The following EXTL2 variants were observed in gnomAD, a reference collection of about 807,000 sequenced individuals.
The protein encoded by EXTL2 is exostosin like glycosyltransferase 2, also known as exostosin-like 2.
EXTL2 carries 23 observed loss-of-function variants against 30.7 expected under a neutral mutation model. That is an observed-to-expected ratio of 0.75 (90% CI 0.54 to 1.06). EXTL2 has a LOEUF of 1.06. Among genes scored for constraint, EXTL2 ranks in the 50% least tolerant of loss-of-function variants. EXTL2 has a pLI of 0.00. For missense variants in EXTL2, 352 were observed against 396.3 expected (o/e 0.89, Z 0.95); for synonymous variants, 123 against 133.8 (o/e 0.92, Z 0.56).
chr1:100,893,466 C>T (rs964606669), intron 1 of EXTL2, among the ~76,000 whole-genome samples: 2 of 152,184 alleles, frequency 1.3e-5, no homozygotes, highest in African/African-American at 4.8e-5. Context: ...CACAACCCCC[C>T]CCTTTCTTCA....
At chr1:100,876,043 G>A (rs553827865) in intron 4 of EXTL2, among the ~76,000 whole-genome samples, 51 of 151,986 alleles carry the variant, frequency 3.4e-4, no homozygotes, top group Non-Finnish European at 4.4e-4. Flanking sequence ...CATTAATATC[G>A]AATGCTGTTA....
At chr1:100,894,357 A>G (rs994913937) in intron 1 of EXTL2, among the ~76,000 whole-genome samples, 1 of 152,176 alleles carries the variant, frequency 6.6e-6, no homozygotes, top group African/African-American at 2.4e-5. Context: ...AATTTTAAAT[A>G]TTTCTACACT....
Position 100,873,961 on chromosome 1 carries a change from T to C in EXTL2, c.974A>G (p.Asn325Ser). 1 of 1,569,146 alleles carries C rather than the reference T, an allele frequency of 6.4e-7. No individual in the cohort carries two copies. ...MISQFGFPYA[N>S]YKRKI ...TTACTTTTATATTTTTCTTTTGTAG[T>C]TGGCATATGGAAAACCAAACTGGGA... is the stretch of plus-strand genomic sequence containing the variant. Residue 325 changes from asparagine (N) to serine (S), a missense_variant, in exon 5 of 5, where the codon AAC becomes AGC. Asn to Ser is a conservative substitution (Grantham distance 46, BLOSUM62 1). Transcript: ENST00000370114.
In EXTL2 at chr1:100,877,760, A is replaced by G. The variant is rs778228873; in HGVS notation, c.149T>C (p.Met50Thr). Reference sequence around the variant, plus strand: ...CTGGGATTTTATTTCCCTACGCAACATGAGCATCTTGTCTTCTTTAACACT... The same window carrying G: ...CTGGGATTTTATTTCCCTACGCAACGTGAGCATCTTGTCTTCTTTAACACT... ...LPSVKEDKML[M>T]LRREIKSQGK... is the part of the protein sequence containing the mutation. Residue 50 changes from methionine (M) to threonine (T), a missense_variant, in exon 3 of 5, where the codon ATG becomes ACG. Transcript: ENST00000370114. The surrounding 1 kb of genome is among the most constrained non-coding windows in gnomAD (Gnocchi z 4.1). 3.1e-6 allele frequency: 5 copies of G among 1,613,232 alleles called. No individual in the cohort carries two copies. In the Admixed American group the frequency reaches 5.0e-5, roughly 16 times the overall value.
intron 1 of EXTL2, among the ~76,000 whole-genome samples, chr1:100,890,906 C>G (rs1270359804): frequency 1.3e-5 from 2 of 152,210 alleles, no homozygotes; most frequent in African/African-American, 4.8e-5. Flanking sequence ...TACCAATGCC[C>G]TACTCTCTGC....
In EXTL2 at chr1:100,874,369, A is replaced by G; in HGVS notation, c.566T>C (p.Ile189Thr). Reference protein sequence around the residue: ...PRKHVSTSSGIYSYGSFEMQA... With the variant: ...PRKHVSTSSGTYSYGSFEMQA... The stretch of plus-strand genomic sequence containing the variant: ...CATTTCAAAACTTCCATAACTGTAG[A>G]TACCTGATGAAGTAGAGACGTGCTT... The change falls in exon 5 of 5, where the codon ATC becomes ACC. Residue 189 changes from isoleucine (I) to threonine (T), a missense_variant. By Grantham distance (89) the Ile-to-Thr change is moderately conservative. Transcript: ENST00000370114. The G allele has an allele frequency of 6.2e-7, 1 of 1,612,300 alleles. No homozygotes were observed. Among genetic ancestry groups the G allele is most frequent in the African/African-American group, 1.3e-5 (1 of 74,920 alleles).
chr1:100,883,255 A>C (rs1471224752), intron 2 of EXTL2, among the ~76,000 whole-genome samples: 2 of 152,208 alleles, frequency 1.3e-5, no homozygotes, highest in Admixed American at 6.5e-5. Flanking sequence ...TACCCATTTA[A>C]AGTATACAGT....
downstream of EXTL2, chr1:100,872,387 T>C (rs1570446976): frequency 2.0e-5 from 3 of 152,430 alleles, no homozygotes; most frequent in African/African-American, 2.4e-5. Context: ...ACAGAACACA[T>C]GGATGGCAAA....
intron 2 of EXTL2, among the ~76,000 whole-genome samples, chr1:100,878,172 C>T (rs997177921): frequency 5.3e-5 from 8 of 151,966 alleles, no homozygotes; most frequent in African/African-American, 7.2e-5. Flanking sequence ...AAAAATTTGC[C>T]ATCATTTTAT....
At chr1:100,879,659 A>G (rs1301904938) in intron 2 of EXTL2, among the ~76,000 whole-genome samples, 1 of 152,188 alleles carries the variant, frequency 6.6e-6, no homozygotes, top group Non-Finnish European at 1.5e-5. Flanking sequence ...GATGTAATAC[A>G]GCTGGATAAG....
At position 100,874,082 on chromosome 1, in the gene EXTL2, G is replaced by T. The variant is rs778568725; in HGVS notation, c.853C>A (p.His285Asn). The change falls in exon 5 of 5, where the codon CAT (histidine) becomes AAT (asparagine). Residue 285 changes from histidine (H) to asparagine (N), a missense_variant. By Grantham distance (68) the His-to-Asn change is moderately conservative. Coordinates refer to ENST00000370114, the MANE Select transcript of EXTL2 (RefSeq NM_001033025.3). ...CTCTGCAGAGCGTGCTCAGCTCGAT[G>T]CCACATTCCAGAATAGCCACTGTTG... Reference protein sequence around the residue: ...ETNSGYSGMWHRAEHALQRSY... With the variant: ...ETNSGYSGMWNRAEHALQRSY... 19 of 1,612,994 alleles carry T rather than the reference G, an allele frequency of 1.2e-5. No homozygotes were observed. The South Asian group carries it at 2.0e-4, about 17-fold the overall frequency.
chr1:100,889,992 C>T (rs1460198313), intron 1 of EXTL2, among the ~76,000 whole-genome samples: 1 of 152,194 alleles, frequency 6.6e-6, no homozygotes, highest in Non-Finnish European at 1.5e-5. Context: ...GCTCCAGTGG[C>T]AACTTTGTGT....
At chr1:100,876,598 A>G (rs979543269) in intron 4 of EXTL2, among the ~76,000 whole-genome samples, 196 bp downstream of exon 4, 2 of 152,078 alleles carry the variant, frequency 1.3e-5, no homozygotes, top group African/African-American at 2.4e-5. Flanking sequence ...TTAAATCTAG[A>G]TAAAAGATAC....
Position 100,874,430 on chromosome 1 carries a change from G to C in EXTL2, c.505C>G (p.Gln169Glu), listed in dbSNP as rs1247752328. The C allele has an allele frequency of 6.6e-5, 104 of 1,573,062 alleles. No individual in the cohort carries two copies. Among genetic ancestry groups the C allele is most frequent in the Non-Finnish European group, 9.0e-5 (104 of 1,159,952 alleles). ...AATCCTACAATTTGATCAGGAAATTGCTGAAAAGAGGGAAAAAGAACAATA... is the reference window on the plus strand; with the variant it reads ...AATCCTACAATTTGATCAGGAAATTCCTGAAAAGAGGGAAAAAGAACAATA... ...DLVFAFSVWQ[Q>E]FPDQIVGFVP... The change falls in exon 5 of 5, where the codon CAA becomes GAA. Residue 169 changes from glutamine (Q) to glutamate (E), a missense_variant and splice_region_variant. Physicochemically the swap from Gln to Glu is conservative, Grantham distance 29. Coordinates refer to ENST00000370114, the MANE Select transcript of EXTL2 (RefSeq NM_001033025.3).
At chr1:100,884,944 T>C (rs957352608) in intron 2 of EXTL2, among the ~76,000 whole-genome samples, 1 of 152,210 alleles carries the variant, frequency 6.6e-6, no homozygotes, top group African/African-American at 2.4e-5. Context: ...TTGAATTAAA[T>C]GAGGGAATTT....
chr1:100,882,802 G>GA (rs1295191410), intron 2 of EXTL2, among the ~76,000 whole-genome samples: 5 of 152,044 alleles, frequency 3.3e-5, no homozygotes, highest in African/African-American at 1.2e-4. Flanking sequence ...CCTGCCTGGG[G>GA]AACAGAGTGA....
chr1:100,882,982 C>T (rs970755543), intron 2 of EXTL2, among the ~76,000 whole-genome samples: 25 of 152,148 alleles, frequency 1.6e-4, no homozygotes, highest in African/African-American at 5.8e-4. Flanking sequence ...CACAGATAAA[C>T]AACTCAAGGT....
At position 100,877,883 on chromosome 1, in the gene EXTL2, A is replaced by G; in HGVS notation, c.26T>C (p.Leu9Pro). The change falls in exon 3 of 5, where the codon CTT becomes CCT. Residue 9 changes from leucine (L) to proline (P), a missense_variant. By Grantham distance (98) the Leu-to-Pro change is moderately conservative (BLOSUM62 -3). Transcript: ENST00000370114. This position sits in a 1 kb window ranked among gnomAD's most constrained non-coding sequence, Gnocchi z 4.1. Reference sequence around the variant, plus strand: ...TCGAATCCCCATTACTCTCCCAGGAAGTTTGCAGATGTGGCAACACCTGGA... The same window carrying G: ...TCGAATCCCCATTACTCTCCCAGGAGGTTTGCAGATGTGGCAACACCTGGA... MRCCHICK[L>P]PGRVMGIRVL... is the part of the protein sequence containing the mutation. The G allele has an allele frequency of 1.3e-6, 2 of 1,598,040 alleles. No homozygotes were observed. The highest frequency in any genetic ancestry group is 1.7e-5 in the Admixed American group (1 of 59,810).
chr1:100,883,203 G>A (rs1234766137), intron 2 of EXTL2, among the ~76,000 whole-genome samples: 1 of 152,154 alleles, frequency 6.6e-6, no homozygotes, highest in Non-Finnish European at 1.5e-5. Flanking sequence ...TTATGTTGGA[G>A]TTTTTTAGTA....
Sources: allele counts gnomAD v4.1 joint callset (sites outside exome capture counted in the v4.1 genomes callset), GRCh38; gene constraint gnomAD v4.1.1; non-coding constraint Gnocchi (gnomAD v3.1); transcripts MANE v1.5; gene names NCBI Gene and HGNC (gene_info 2026-07-23, HGNC 2026-07-21).